The following CTNNA3 variants were observed in gnomAD, a reference collection of about 807,000 sequenced individuals.
The protein encoded by CTNNA3 is catenin alpha 3.
Under a neutral mutation model 95.7 loss-of-function variants are expected in CTNNA3, and 76 were observed. The ratio of observed to expected loss-of-function variants is 0.79; its 90% CI spans 0.66 to 0.96. The LOEUF (loss-of-function observed/expected upper bound fraction) is 0.96. Among genes scored for constraint, CTNNA3 ranks in the 40% least tolerant of loss-of-function variants. CTNNA3 has a pLI of 0.00. For synonymous variants in CTNNA3, 431 were observed against 374.4 expected (o/e 1.15, Z -1.74); for missense variants, 1,191 against 1,089.8 (o/e 1.09, Z -1.31).
chr10:67,440,148 A>C (rs1041929176), intron 5 of CTNNA3, among the ~76,000 whole-genome samples: 2 of 152,166 alleles, frequency 1.3e-5, no homozygotes, highest in African/African-American at 4.8e-5. Flanking sequence ...GTTCACCACA[A>C]GCTGACTGAA....
At chr10:66,542,884 T>A (rs983965465) in intron 10 of CTNNA3, among the ~76,000 whole-genome samples, 7 of 151,994 alleles carry the variant, frequency 4.6e-5, no homozygotes, top group Non-Finnish European at 1.0e-4. Flanking sequence ...ACTTAAAGTA[T>A]AATAAAAATA....
chr10:66,097,654 C>T (rs2133719579), intron 14 of CTNNA3, among the ~76,000 whole-genome samples: 1 of 152,154 alleles, frequency 6.6e-6, no homozygotes, highest in East Asian at 1.9e-4. Flanking sequence ...CATTTGCTCA[C>T]CTATTCTATT....
intron 7 of CTNNA3, among the ~76,000 whole-genome samples, chr10:67,137,221 A>C (rs1198970545): frequency 1.3e-5 from 2 of 152,194 alleles, no homozygotes; most frequent in Non-Finnish European, 1.5e-5. Flanking sequence ...AGATAGATGG[A>C]AAAGTATGTT....
rs557945386 is a variant in CTNNA3 at position 66,520,839 on chromosome 10, C to T, written c.1375-66G>A. ...ATGTTCACTATTTGGGTGATGGGCACACTAAAAGCCCACACTTCACCACTA... is the reference window on the plus strand; with the variant it reads ...ATGTTCACTATTTGGGTGATGGGCATACTAAAAGCCCACACTTCACCACTA... On this transcript the variant is annotated intron_variant, in intron 10 of 17. Coordinates refer to ENST00000433211, the MANE Select transcript of CTNNA3 (RefSeq NM_013266.4). 50 of 1,195,248 alleles carry T rather than the reference C, an allele frequency of 4.2e-5. 1 individual carries two copies. In the South Asian group the frequency reaches 6.2e-4, roughly 15 times the overall value. The allele number at this position is 1,195,248 out of a possible 1,614,324, so 74.0% of individuals were successfully genotyped here.
At chr10:66,997,322 A>C (rs1851409794) in intron 7 of CTNNA3, among the ~76,000 whole-genome samples, 2 of 152,224 alleles carry the variant, frequency 1.3e-5, no homozygotes, top group South Asian at 4.1e-4. Flanking sequence ...CTGAGCAGGA[A>C]ATACTTATTA....
chr10:67,277,626 T>C (rs1170323111), intron 5 of CTNNA3, among the ~76,000 whole-genome samples: 4 of 152,002 alleles, frequency 2.6e-5, no homozygotes, highest in Admixed American at 2.6e-4. Flanking sequence ...CGGCACAAGA[T>C]ACAGGTCACA....
At chr10:67,603,861 G>A (rs1310743102) in intron 3 of CTNNA3, among the ~76,000 whole-genome samples, 1 of 152,130 alleles carries the variant, frequency 6.6e-6, no homozygotes, top group Non-Finnish European at 1.5e-5. Flanking sequence ...AGTCTACAGT[G>A]ATATACAGTA....
chr10:67,356,427 T>C (rs1842811992), intron 5 of CTNNA3, among the ~76,000 whole-genome samples: 1 of 152,226 alleles, frequency 6.6e-6, no homozygotes, highest in East Asian at 1.9e-4. Flanking sequence ...TCAGTTTCTA[T>C]AACTGCTACA....
intron 5 of CTNNA3, among the ~76,000 whole-genome samples, chr10:67,355,080 C>A (rs994996942): frequency 2.0e-5 from 3 of 151,896 alleles, no homozygotes; most frequent in Admixed American, 6.6e-5. Flanking sequence ...TATTTGTTTT[C>A]TTATTAACAA....
chr10:65,978,282 T>G (rs1403340280), intron 16 of CTNNA3, among the ~76,000 whole-genome samples: 2 of 152,192 alleles, frequency 1.3e-5, no homozygotes, highest in East Asian at 3.9e-4. Context: ...ATTGCCGCAT[T>G]CATTATATAT....
upstream of CTNNA3, among the ~76,000 whole-genome samples, chr10:67,697,694 A>G (rs1355010238): frequency 6.6e-6 from 1 of 152,246 alleles, no homozygotes; most frequent in Non-Finnish European, 1.5e-5. Flanking sequence ...GTGTTATCAA[A>G]ACAATTAAAT....
At chr10:67,643,167 T>C (rs1839595121) in intron 2 of CTNNA3, among the ~76,000 whole-genome samples, 1 of 152,216 alleles carries the variant, frequency 6.6e-6, no homozygotes, top group Non-Finnish European at 1.5e-5. Context: ...TCACGTCCTT[T>C]GTAGGGACAT....
At chr10:66,169,416 G>A (rs1260070190) in intron 13 of CTNNA3, among the ~76,000 whole-genome samples, 3 of 151,956 alleles carry the variant, frequency 2.0e-5, no homozygotes, top group East Asian at 1.9e-4. Context: ...TTATCCACTC[G>A]TTGGTTGATG....
At chr10:66,777,024 T>C (rs1840329278) in intron 7 of CTNNA3, among the ~76,000 whole-genome samples, 1 of 152,170 alleles carries the variant, frequency 6.6e-6, no homozygotes, top group Non-Finnish European at 1.5e-5. Flanking sequence ...CTAGAGACTC[T>C]GGAGGAGATT....
intron 10 of CTNNA3, among the ~76,000 whole-genome samples, chr10:66,587,743 G>A (rs1459119771): frequency 6.6e-5 from 10 of 152,076 alleles, no homozygotes; most frequent in Admixed American, 3.3e-4. Flanking sequence ...CATAATGTTC[G>A]CTAAAAGCAG....
intron 5 of CTNNA3, among the ~76,000 whole-genome samples, chr10:67,303,082 A>G (rs993754014): frequency 1.3e-5 from 2 of 152,204 alleles, no homozygotes; most frequent in Non-Finnish European, 2.9e-5. Flanking sequence ...AAACTCATCC[A>G]GGTGATTCTA....
At chr10:67,030,421 T>A (rs1343457549) in intron 7 of CTNNA3, among the ~76,000 whole-genome samples, 1 of 152,162 alleles carries the variant, frequency 6.6e-6, no homozygotes, top group Non-Finnish European at 1.5e-5. Context: ...ATTTAGGCCC[T>A]GTTGTGAATT....
intron 7 of CTNNA3, among the ~76,000 whole-genome samples, chr10:67,168,889 C>T (rs1861895534): frequency 6.6e-6 from 1 of 152,178 alleles, no homozygotes. Flanking sequence ...ACCCCATACC[C>T]ATAGTCTTAG....
intron 1 of CTNNA3, among the ~76,000 whole-genome samples, chr10:67,702,738 C>A (rs1293771379): frequency 6.6e-6 from 1 of 152,098 alleles, no homozygotes; most frequent in East Asian, 1.9e-4. Flanking sequence ...AGACCAAACA[C>A]ATTCAAAAGC....
Sources: allele counts gnomAD v4.1 joint callset (sites outside exome capture counted in the v4.1 genomes callset), GRCh38; gene constraint gnomAD v4.1.1; transcripts MANE v1.5; gene names NCBI Gene and HGNC (gene_info 2026-07-23, HGNC 2026-07-21).